EPHA7: variants seen among roughly 807,000 people sequenced by gnomAD.
EPHA7 encodes the protein ephrin type-A receptor 7.
In EPHA7, 25 loss-of-function variants were observed where a neutral mutation model predicts 112.6. The observed-to-expected ratio is 0.22, with a 90% CI of 0.16 to 0.31. The LOEUF is 0.31. Among genes scored for constraint, EPHA7 ranks in the 10% least tolerant of loss-of-function variants. EPHA7 has a pLI of 1.00. For synonymous variants in EPHA7, 437 were observed against 406.5 expected (o/e 1.07, Z -0.90); for missense variants, 962 against 1,212.6 (o/e 0.79, Z 3.07).
chr6:93,246,824 A>G lies in EPHA7; in HGVS notation c.2694T>C (p.Asn898=). The change falls in exon 15 of 17, where the codon AAT becomes AAC. Residue 898 remains asparagine, a synonymous_variant. Transcript: ENST00000369303. ...AAGTTCCCAGGGGAGTTTTCAGACT[A>G]TTTGGGTTTCGAATCATTTTGTCTA... ...GILDKMIRNP[N]SLKTPLGTCS... 1 of 1,612,222 alleles carries G rather than the reference A, an allele frequency of 6.2e-7. No homozygotes were observed.
intron 5 of EPHA7, among the ~76,000 whole-genome samples, chr6:93,273,960 T>A (rs1771351814): frequency 6.6e-6 from 1 of 151,866 alleles, no homozygotes; most frequent in South Asian, 2.1e-4. Context: ...TCTAGTAGCA[T>A]AACTTACTTA....
chr6:93,272,103 CTT>C (rs1771251590), intron 6 of EPHA7, among the ~76,000 whole-genome samples, 193 bp downstream of exon 6: 1 of 151,712 alleles, frequency 6.6e-6, no homozygotes, highest in Non-Finnish European at 1.5e-5. Flanking sequence ...AACACAGAAA[CTT>C]AATACACAGA....
intron 4 of EPHA7, among the ~76,000 whole-genome samples, chr6:93,357,954 C>T (rs1776041248): frequency 6.6e-6 from 1 of 152,098 alleles, no homozygotes; most frequent in Non-Finnish European, 1.5e-5. Context: ...GCCACCCTGC[C>T]TGACTGACCC....
At chr6:93,294,249 T>G (rs1772537591) in intron 5 of EPHA7, among the ~76,000 whole-genome samples, 1 of 152,190 alleles carries the variant, frequency 6.6e-6, no homozygotes, top group African/African-American at 2.4e-5. Context: ...AGCCTGGGTT[T>G]TAACTACGGA....
At chr6:93,249,891 G>A (rs1770129158) in intron 14 of EPHA7, among the ~76,000 whole-genome samples, 1 of 152,008 alleles carries the variant, frequency 6.6e-6, no homozygotes, top group Non-Finnish European at 1.5e-5. Context: ...TTAAGTTTTT[G>A]TAGCACTGAA....
At position 93,398,104 on chromosome 6, in the gene EPHA7, C is replaced by G. The variant is rs538141804; in HGVS notation, c.832+12397G>C. ...GTATTTTAACCTTGTTCACTCTTAC[C>G]TCTTCACCCTTAATCTATCTTCCTG... On this transcript the variant is annotated intron_variant, in intron 3 of 16. Transcript: ENST00000369303. Among the ~76,000 whole-genome samples the G allele has an allele frequency of 2.6e-5, 4 of 152,058 alleles. No homozygotes were observed. The South Asian group carries it at 8.3e-4, about 32-fold the overall frequency.
intron 5 of EPHA7, among the ~76,000 whole-genome samples, chr6:93,355,004 T>A (rs1775873972): frequency 7.9e-6 from 1 of 127,092 alleles, no homozygotes; most frequent in Admixed American, 7.9e-5. Context: ...TATGTCAAAA[T>A]CATAAACCTA....
chr6:93,336,205 A>G (rs1162472557), intron 5 of EPHA7, among the ~76,000 whole-genome samples: 1 of 152,208 alleles, frequency 6.6e-6, no homozygotes, highest in African/African-American at 2.4e-5. Context: ...TTATATTTTA[A>G]GGTTGCCCAA....
At chr6:93,353,247 A>T (rs1562117844) in intron 5 of EPHA7, among the ~76,000 whole-genome samples, 1 of 152,118 alleles carries the variant, frequency 6.6e-6, no homozygotes. Flanking sequence ...TTCAGCCTTA[A>T]TAGGTCAATA....
chr6:93,347,313 G>C (rs1280383899), intron 5 of EPHA7, among the ~76,000 whole-genome samples: 1 of 151,764 alleles, frequency 6.6e-6, no homozygotes, highest in Non-Finnish European at 1.5e-5. Context: ...AAATTTATTA[G>C]ATGATTAACT....
At chr6:93,379,439 TATA>T (rs1322665748) in intron 3 of EPHA7, among the ~76,000 whole-genome samples, 1 of 152,104 alleles carries the variant, frequency 6.6e-6, no homozygotes, top group African/African-American at 2.4e-5. Flanking sequence ...TTTAGAGCAT[TATA>T]ATAACTTTTT....
chr6:93,244,146 G>C (rs2127844603), intron 16 of EPHA7, among the ~76,000 whole-genome samples: 1 of 152,174 alleles, frequency 6.6e-6, no homozygotes, highest in South Asian at 2.1e-4. Context: ...AATTGGATCT[G>C]TGTTTTGCCT....
intron 3 of EPHA7, among the ~76,000 whole-genome samples, chr6:93,395,575 TCACA>T (rs4053540): frequency 0.018 from 2,597 of 145,362 alleles, 23 homozygotes; most frequent in African/African-American, 0.029. Context: ...TTTACTTATT[TCACA>T]CACACACACA....
chr6:93,259,219 C>T, intron 10 of EPHA7, 135 bp downstream of exon 10: 1 of 1,014,220 alleles, frequency 9.9e-7, no homozygotes, highest in Non-Finnish European at 1.4e-6. Context: ...CAAGTACAGC[C>T]TCACTGCTTC....
intron 5 of EPHA7, among the ~76,000 whole-genome samples, chr6:93,310,315 A>G (rs1036124359): frequency 6.6e-6 from 1 of 152,206 alleles, no homozygotes; most frequent in African/African-American, 2.4e-5. Flanking sequence ...AAATCCCCCA[A>G]TAGATGACAT....
intron 5 of EPHA7, among the ~76,000 whole-genome samples, chr6:93,297,004 C>T (rs1225915110): frequency 2.6e-5 from 4 of 151,896 alleles, no homozygotes; most frequent in African/African-American, 9.6e-5. Context: ...TGTTAATTTG[C>T]TTCACTATAG....
chr6:93,312,257 A>T (rs1412014863), intron 5 of EPHA7, among the ~76,000 whole-genome samples: 1 of 151,946 alleles, frequency 6.6e-6, no homozygotes, highest in Non-Finnish European at 1.5e-5. Flanking sequence ...ATCATTTTCC[A>T]ATATAAGGCT....
intron 5 of EPHA7, among the ~76,000 whole-genome samples, chr6:93,343,351 C>T (rs890664964): frequency 6.6e-6 from 1 of 151,548 alleles, no homozygotes; most frequent in African/African-American, 2.4e-5. Flanking sequence ...CAAAGCAGCT[C>T]TTTTTACACA....
chr6:93,372,110 A>G (rs1776828778), intron 3 of EPHA7, among the ~76,000 whole-genome samples: 1 of 152,158 alleles, frequency 6.6e-6, no homozygotes, highest in African/African-American at 2.4e-5. Flanking sequence ...GAATATCTAA[A>G]AGCTAAGGGG....
Sources: allele counts gnomAD v4.1 joint callset (sites outside exome capture counted in the v4.1 genomes callset), GRCh38; gene constraint gnomAD v4.1.1; transcripts MANE v1.5; gene names NCBI Gene and HGNC (gene_info 2026-07-23, HGNC 2026-07-21).